The following PDE12 variants were observed in gnomAD, a reference collection of about 807,000 sequenced individuals.
PDE12 encodes the protein phosphodiesterase 12.
PDE12 carries 26 observed loss-of-function variants against 45.4 expected under a neutral mutation model. The ratio of observed to expected loss-of-function variants is 0.57; its 90% CI spans 0.42 to 0.79. PDE12 has a LOEUF of 0.79. Among genes scored for constraint, PDE12 ranks in the 30% least tolerant of loss-of-function variants. The pLI is 0.00. For missense variants in PDE12, 668 were observed against 790.0 expected, an observed-to-expected ratio of 0.85 and a Z score of 1.85; for synonymous variants, 283 against 323.9, an observed-to-expected ratio of 0.87 and a Z score of 1.36.
the PDE12 span, among the ~76,000 whole-genome samples, chr3:57,635,852 C>A: frequency 6.6e-6 from 1 of 152,106 alleles, no homozygotes; most frequent in African/African-American, 2.4e-5. Flanking sequence ...CCTGCCTCTG[C>A]CACCCCTGAG....
the PDE12 span, among the ~76,000 whole-genome samples, chr3:57,603,696 C>T: frequency 6.6e-6 from 1 of 150,896 alleles, no homozygotes; most frequent in African/African-American, 2.4e-5. Flanking sequence ...GATCTCAGCT[C>T]ACCACCACCC....
the PDE12 span, among the ~76,000 whole-genome samples, chr3:57,601,135 T>TA: frequency 3.9e-5 from 6 of 152,000 alleles, no homozygotes; most frequent in Non-Finnish European, 8.8e-5. Flanking sequence ...TATTTTATTT[T>TA]TTTTTGCTCT....
At chr3:57,583,310 A>G in the PDE12 span, among the ~76,000 whole-genome samples, 4 of 152,146 alleles carry the variant, frequency 2.6e-5, no homozygotes, top group Non-Finnish European at 4.4e-5. Context: ...TTCTGATTCA[A>G]GTCATCTAGG....
At chr3:57,570,881 AC>A (rs2069834695), downstream of PDE12, among the ~76,000 whole-genome samples, 2 of 152,292 alleles carry the variant, frequency 1.3e-5, no homozygotes, top group South Asian at 4.1e-4. Flanking sequence ...TAACTAAAAA[AC>A]ACATACATAC....
At chr3:57,645,667 T>G in the PDE12 span, 22 of 1,607,928 alleles carry the variant, frequency 1.4e-5, no homozygotes, top group Non-Finnish European at 1.8e-5. Flanking sequence ...TTACGGAGCT[T>G]GGGTACGGGT....
At chr3:57,634,164 G>A in the PDE12 span, among the ~76,000 whole-genome samples, 3 of 152,108 alleles carry the variant, frequency 2.0e-5, no homozygotes, top group South Asian at 6.2e-4. Flanking sequence ...AGGGCACGGT[G>A]GCTGACGCCT....
chr3:57,573,119 A>G, the PDE12 span, among the ~76,000 whole-genome samples: 9 of 151,462 alleles, frequency 5.9e-5, no homozygotes, highest in South Asian at 4.2e-4. Flanking sequence ...GGAGAATGGC[A>G]TGAACCCAGA....
chr3:57,582,310 TCGGCTCATCACAAC>T, the PDE12 span, among the ~76,000 whole-genome samples: 1 of 151,608 alleles, frequency 6.6e-6, no homozygotes, highest in African/African-American at 2.4e-5. Context: ...TGGTGTGATC[TCGGCTCATCACAAC>T]CTCCACCTCC....
At position 57,556,338 on chromosome 3, in the gene PDE12, T is replaced by G. The variant is rs1464394999; in HGVS notation, c.-42T>G. ...TCAGCTCCACCTGACAGTAGGCCGCTGATCGGCCGCGGGTCTTGTCGACCG... is the reference window on the plus strand; with the variant it reads ...TCAGCTCCACCTGACAGTAGGCCGCGGATCGGCCGCGGGTCTTGTCGACCG... On this transcript the variant is annotated 5_prime_UTR_variant, in exon 1 of 3. Coordinates refer to ENST00000311180, the MANE Select transcript of PDE12 (RefSeq NM_177966.7). The surrounding 1 kb of genome is among the most constrained non-coding windows in gnomAD (Gnocchi z 5.0). 2 of 1,512,626 alleles carry G rather than the reference T, an allele frequency of 1.3e-6. No individual in the cohort carries two copies. The highest frequency in any genetic ancestry group is 1.8e-6 in the Non-Finnish European group (2 of 1,128,816). 93.7% of individuals were successfully genotyped at this position (1,512,626 alleles called of 1,614,324 possible).
At chr3:57,584,926 T>C in the PDE12 span, among the ~76,000 whole-genome samples, 1 of 152,134 alleles carries the variant, frequency 6.6e-6, no homozygotes, top group Non-Finnish European at 1.5e-5. Flanking sequence ...TGAAGTGGCA[T>C]GATCTCAGCT....
the PDE12 span, among the ~76,000 whole-genome samples, chr3:57,624,595 C>T: frequency 2.0e-5 from 3 of 151,670 alleles, no homozygotes; most frequent in Admixed American, 2.0e-4. Context: ...GAAACCCCGT[C>T]TCTACTAAAA....
chr3:57,643,006 CAA>C, the PDE12 span, among the ~76,000 whole-genome samples: 5 of 104,536 alleles, frequency 4.8e-5, no homozygotes, highest in East Asian at 2.7e-4. Flanking sequence ...GACTTCATCT[CAA>C]AAAAAAAAAA....
the PDE12 span, among the ~76,000 whole-genome samples, chr3:57,601,235 G>A: frequency 6.6e-6 from 1 of 151,916 alleles, no homozygotes; most frequent in Non-Finnish European, 1.5e-5. Context: ...TCAGCCTCCG[G>A]GGTAGCTGGA....
At chr3:57,614,873 A>G in the PDE12 span, among the ~76,000 whole-genome samples, 2 of 151,658 alleles carry the variant, frequency 1.3e-5, no homozygotes, top group Non-Finnish European at 2.9e-5. Flanking sequence ...GGCGCTTGTA[A>G]TACCAGCTAC....
the PDE12 span, chr3:57,631,053 TC>T: frequency 7.1e-7 from 1 of 1,407,080 alleles, no homozygotes; most frequent in Non-Finnish European, 9.9e-7. Context: ...AAGGAATGGG[TC>T]TTTTAAGTTT....
chr3:57,634,199 G>A, the PDE12 span, among the ~76,000 whole-genome samples: 2 of 151,994 alleles, frequency 1.3e-5, no homozygotes, highest in Non-Finnish European at 1.5e-5. Flanking sequence ...TTGGGAGACC[G>A]AGGTGGGCGT....
chr3:57,613,525 C>T, the PDE12 span, among the ~76,000 whole-genome samples: 2 of 151,676 alleles, frequency 1.3e-5, no homozygotes, highest in East Asian at 2.0e-4. Context: ...AACTCCTGAC[C>T]TTGTGATCTG....
chr3:57,645,948 C>G, the PDE12 span, among the ~76,000 whole-genome samples: 1 of 152,100 alleles, frequency 6.6e-6, no homozygotes, highest in Admixed American at 6.6e-5. Flanking sequence ...AAAGAACACA[C>G]TGGGTTTGGG....
At chr3:57,579,597 A>G in the PDE12 span, among the ~76,000 whole-genome samples, 2 of 152,008 alleles carry the variant, frequency 1.3e-5, no homozygotes, top group South Asian at 2.1e-4. Context: ...CCCATCCTAC[A>G]TCATTTTCTG....
Sources: gnomAD v4.1 joint callset for allele counts (sites outside exome capture counted in the v4.1 genomes callset) on GRCh38, gnomAD v4.1.1 for gene constraint, Gnocchi (gnomAD v3.1) non-coding constraint, MANE v1.5 for transcripts, NCBI Gene and HGNC (gene_info 2026-07-23, HGNC 2026-07-21) for gene names.